The following NBPF3 variants were observed in gnomAD, a reference collection of about 807,000 sequenced individuals.
The protein encoded by NBPF3 is NBPF family member NBPF3.
NBPF3 carries 57 observed loss-of-function variants against 78.1 expected under a neutral mutation model. That is an observed-to-expected ratio of 0.73 (90% CI 0.59 to 0.91). The LOEUF (loss-of-function observed/expected upper bound fraction) is 0.91. NBPF3 is among the 40% of genes least tolerant of loss of function. NBPF3 has a pLI of 0.00. For missense variants in NBPF3, 510 were observed against 715.3 expected (o/e 0.71, Z 3.27); for synonymous variants, 182 against 271.7 (o/e 0.67, Z 3.25).
At chr1:21,453,092 C>T (rs904052629) in intron 2 of NBPF3, among the ~76,000 whole-genome samples, 15 of 152,134 alleles carry the variant, frequency 9.9e-5, no homozygotes, top group Admixed American at 3.9e-4. Flanking sequence ...ATCCACTGTC[C>T]GCTCATTTCC....
At position 21,484,639 on chromosome 1, in the gene NBPF3, A is replaced by C. The variant is rs1643378497; in HGVS notation, c.*1253A>C. ...TTTAGAGACACCTTACTTATGATGA[A>C]GTATTTGGGAGAGTGGTTTTTCAAA... On this transcript the variant is annotated 3_prime_UTR_variant, in exon 15 of 15. Transcript: ENST00000318249. 3 of 65,034 alleles carry C rather than the reference A, an allele frequency of 4.6e-5. 1 individual carries two copies. The highest frequency in any genetic ancestry group is 1.2e-4 in the African/African-American group (3 of 24,990). The allele number at this position is 65,034 out of a possible 1,614,324, so 4.0% of individuals were successfully genotyped here.
At chr1:21,463,906 C>T (rs1642101393) in intron 2 of NBPF3, among the ~76,000 whole-genome samples, 1 of 152,112 alleles carries the variant, frequency 6.6e-6, no homozygotes. Context: ...AAATGAGATA[C>T]CACTTCACAC....
intron 2 of NBPF3, among the ~76,000 whole-genome samples, chr1:21,458,604 TTGA>T (rs1315724198): frequency 6.6e-6 from 1 of 152,172 alleles, no homozygotes; most frequent in Non-Finnish European, 1.5e-5. Context: ...GCATTAACCG[TTGA>T]TGCAAATACT....
At chr1:21,448,328 A>G (rs1008958807) in intron 2 of NBPF3, among the ~76,000 whole-genome samples, 22 of 150,662 alleles carry the variant, frequency 1.5e-4, no homozygotes, top group African/African-American at 5.4e-4. Context: ...TGGATTTATT[A>G]TTATTTTTTT....
intron 2 of NBPF3, chr1:21,466,132 A>C (rs545194600): frequency 1.0e-6 from 1 of 985,314 alleles, no homozygotes; most frequent in African/African-American, 1.7e-5. Context: ...CGGACAGTGC[A>C]TGGAGATGGT....
At chr1:21,462,822 T>C (rs1642025164) in intron 2 of NBPF3, among the ~76,000 whole-genome samples, 1 of 152,208 alleles carries the variant, frequency 6.6e-6, no homozygotes, top group Non-Finnish European at 1.5e-5. Flanking sequence ...TTTGCAATCT[T>C]TCTGAGTTTG....
intron 2 of NBPF3, among the ~76,000 whole-genome samples, chr1:21,452,910 A>C (rs951237171): frequency 1.2e-4 from 18 of 152,236 alleles, no homozygotes; most frequent in African/African-American, 4.3e-4. Context: ...TTTATAATAC[A>C]GCTGTTGGAA....
At chr1:21,466,248 A>G in intron 2 of NBPF3, 2 of 259,660 alleles carry the variant, frequency 7.7e-6, no homozygotes, top group Non-Finnish European at 1.2e-5. Context: ...TTTGTGCTTC[A>G]TCTTCAAAAA....
At chr1:21,461,149 T>C (rs1450328952) in intron 2 of NBPF3, among the ~76,000 whole-genome samples, 3 of 152,168 alleles carry the variant, frequency 2.0e-5, no homozygotes, top group Admixed American at 1.3e-4. Context: ...AATAATACAA[T>C]GACTTTGCAA....
At chr1:21,474,608 A>G (rs1284192060) in intron 7 of NBPF3, among the ~76,000 whole-genome samples, 1 of 152,194 alleles carries the variant, frequency 6.6e-6, no homozygotes, top group East Asian at 1.9e-4. Context: ...AAATTGTTTG[A>G]CCAATTATTG....
intron 2 of NBPF3, among the ~76,000 whole-genome samples, chr1:21,453,221 G>A (rs1461060475): frequency 6.6e-6 from 1 of 152,148 alleles, no homozygotes; most frequent in Non-Finnish European, 1.5e-5. Flanking sequence ...GGAAGTGAGA[G>A]GAAGGTGAGG....
chr1:21,455,770 C>T (rs989242959), intron 2 of NBPF3, among the ~76,000 whole-genome samples: 11 of 152,190 alleles, frequency 7.2e-5, no homozygotes, highest in African/African-American at 1.7e-4. Context: ...CATATGCATC[C>T]TTATCAAGGA....
chr1:21,438,900 G>A (rs529953817), upstream of NBPF3, among the ~76,000 whole-genome samples: 5 of 152,358 alleles, frequency 3.3e-5, no homozygotes, highest in East Asian at 1.9e-4. Context: ...TAGCAAATTA[G>A]TGCGAAGGCA....
Position 21,468,745 on chromosome 1 carries a change from G to C in NBPF3, c.191G>C (p.Trp64Ser). ...AGCATGGTGGTATCTGCCGGCCCTT[G>C]GTCCGGTGAGAAGGCAGAGATGAAC... ...NVSMVVSAGPWSGEKAEMNIL... is the reference protein window; with the variant it reads ...NVSMVVSAGPSSGEKAEMNIL... The change falls in exon 3 of 15, where the codon TGG (tryptophan) becomes TCG (serine). Residue 64 changes from tryptophan to serine, a missense_variant. By Grantham distance (177) the Trp-to-Ser change is radical (BLOSUM62 -3). Transcript: ENST00000318249. 1 of 1,613,698 alleles carries C rather than the reference G, an allele frequency of 6.2e-7. No individual in the cohort carries two copies.
rs371854391 is a variant in NBPF3 at position 21,478,210 on chromosome 1, C to G, written c.1059C>G (p.Leu353=). 2 of 1,614,204 alleles carry G rather than the reference C, an allele frequency of 1.2e-6. No homozygotes were observed. Among genetic ancestry groups the G allele is most frequent in the South Asian group, 1.1e-5 (1 of 91,082 alleles). The stretch of plus-strand genomic sequence containing the variant: ...CCTGGGATGAAGGTGATTGGACTCT[C>G]TCAATTCCTCCTGACATGTCTGCCT... ...QESWDEGDWT[L]SIPPDMSASY... is the part of the protein sequence containing the mutation. Residue 353 remains leucine (L), a synonymous_variant, in exon 9 of 15, where the codon CTC becomes CTG. Transcript: ENST00000318249.
intron 12 of NBPF3, among the ~76,000 whole-genome samples, chr1:21,481,305 G>A (rs1485436255): frequency 6.6e-6 from 1 of 150,974 alleles, no homozygotes; most frequent in Admixed American, 6.6e-5. Context: ...GTGCCCTGAG[G>A]GCACTAACTC....
At chr1:21,456,896 G>A (rs551479769) in intron 2 of NBPF3, among the ~76,000 whole-genome samples, 1 of 152,308 alleles carries the variant, frequency 6.6e-6, no homozygotes, top group South Asian at 2.1e-4. Flanking sequence ...TAAAAGTATT[G>A]AAAAGATTGA....
chr1:21,451,652 A>C (rs1277191621), intron 2 of NBPF3: 3 of 154,846 alleles, frequency 1.9e-5, no homozygotes, highest in South Asian at 2.0e-4. Context: ...TCAGGCCACA[A>C]AGGGCACTCA....
chr1:21,457,162 G>A (rs1422914462), intron 2 of NBPF3, among the ~76,000 whole-genome samples: 1 of 108,536 alleles, frequency 9.2e-6, no homozygotes, highest in Non-Finnish European at 2.1e-5. Context: ...GGGTCTGGTG[G>A]CTCACGTGTG....
Sources: allele counts gnomAD v4.1 joint callset (sites outside exome capture counted in the v4.1 genomes callset), GRCh38; gene constraint gnomAD v4.1.1; transcripts MANE v1.5; gene names NCBI Gene and HGNC (gene_info 2026-07-23, HGNC 2026-07-21).